SCAI: variants seen among roughly 807,000 people sequenced by gnomAD.
SCAI encodes the protein protein SCAI.
In SCAI, 24 loss-of-function variants were observed where a neutral mutation model predicts 92.2. The observed-to-expected ratio is 0.26, with a 90% CI of 0.19 to 0.37. The LOEUF (loss-of-function observed/expected upper bound fraction) is 0.37, where lower values mean the gene tolerates loss of function less well. SCAI is among the 10% of genes least tolerant of loss of function. SCAI has a pLI of 1.00. For synonymous variants in SCAI, 261 were observed against 258.6 expected, an observed-to-expected ratio of 1.01 and a Z score of -0.09; for missense variants, 450 against 736.2, an observed-to-expected ratio of 0.61 and a Z score of 4.50.
intron 3 of SCAI, among the ~76,000 whole-genome samples, chr9:125,046,704 T>A (rs670423): frequency 0.51 from 74,267 of 144,428 alleles, 19,249 homozygotes; most frequent in East Asian, 0.57. Flanking sequence ...TACTGAAATT[T>A]AAAAAAAAAA....
At chr9:125,101,978 G>A (rs1382773224) in intron 2 of SCAI, among the ~76,000 whole-genome samples, 1 of 152,132 alleles carries the variant, frequency 6.6e-6, no homozygotes, top group Non-Finnish European at 1.5e-5. Flanking sequence ...TATGTTGTAG[G>A]CACATACTGG....
intron 2 of SCAI, among the ~76,000 whole-genome samples, chr9:125,067,098 GGAA>G (rs1833888654): frequency 1.3e-5 from 2 of 152,100 alleles, no homozygotes; most frequent in Non-Finnish European, 2.9e-5. Context: ...TGGGCAGACT[GGAA>G]ATCCATAAAC....
At chr9:125,069,357 G>A (rs1306005800) in intron 2 of SCAI, among the ~76,000 whole-genome samples, 7 of 147,862 alleles carry the variant, frequency 4.7e-5, no homozygotes, top group Admixed American at 2.7e-4. Context: ...TTGCTCTGTC[G>A]CCCAGGCTGG....
intron 3 of SCAI, among the ~76,000 whole-genome samples, chr9:125,031,301 G>A (rs1228623941): frequency 2.0e-5 from 3 of 150,650 alleles, no homozygotes; most frequent in South Asian, 4.2e-4. Flanking sequence ...CGCTCTTGCC[G>A]CCCAGGCTGG....
chr9:125,055,702 TG>T (rs1833647682), intron 3 of SCAI, among the ~76,000 whole-genome samples, 173 bp downstream of exon 3: 2 of 152,208 alleles, frequency 1.3e-5, no homozygotes, highest in African/African-American at 4.8e-5. Context: ...CTTTTCCTAT[TG>T]TTTTTTTATC....
At chr9:125,111,235 A>G (rs1834922884) in intron 2 of SCAI, among the ~76,000 whole-genome samples, 1 of 152,212 alleles carries the variant, frequency 6.6e-6, no homozygotes, top group Non-Finnish European at 1.5e-5. Flanking sequence ...AAATTAATTC[A>G]ACACATTAGA....
rs574217547 is a variant in SCAI, at chr9:125,024,469, G to C, written c.512+2343C>G. 2.0e-5 allele frequency among the ~76,000 whole-genome samples: 3 copies of C among 152,174 alleles called. No individual in the cohort carries two copies. The East Asian group carries it at 5.8e-4, about 30-fold the overall frequency. The stretch of plus-strand genomic sequence containing the variant: ...TTTTTGTATTTTTAGTAGAGACGGG[G>C]TTTCACCATGTTAACCAGGATGGTC... On this transcript the variant is annotated intron_variant, in intron 6 of 17. Coordinates refer to ENST00000336505, the MANE Select transcript of SCAI (RefSeq NM_001144877.3).
At chr9:125,016,500 A>T (rs1414161045) in intron 9 of SCAI, among the ~76,000 whole-genome samples, 1 of 151,988 alleles carries the variant, frequency 6.6e-6, no homozygotes, top group African/African-American at 2.4e-5. Context: ...AAGAGAAAAA[A>T]TTAGAAAAAA....
At chr9:125,041,497 C>T (rs1051754419) in intron 3 of SCAI, among the ~76,000 whole-genome samples, 1 of 152,176 alleles carries the variant, frequency 6.6e-6, no homozygotes, top group East Asian at 1.9e-4. Flanking sequence ...AAGCACTTGC[C>T]TGCAAGTTCC....
intron 7 of SCAI, among the ~76,000 whole-genome samples, chr9:125,019,977 G>T (rs1432769406): frequency 6.6e-6 from 1 of 151,448 alleles, no homozygotes; most frequent in African/African-American, 2.4e-5. Flanking sequence ...AGGAGGCTAA[G>T]GTGGGAGGAC....
At chr9:125,126,589 T>TGTGTGTGTGTGTGTGTGA in intron 2 of SCAI, among the ~76,000 whole-genome samples, 1 of 143,152 alleles carries the variant, frequency 7.0e-6, no homozygotes, top group African/African-American at 2.7e-5. Flanking sequence ...TGTGTGTGTG[T>TGTGTGTGTGTGTGTGTGA]GAGAGAGAGA....
intron 2 of SCAI, among the ~76,000 whole-genome samples, chr9:125,086,506 A>G (rs663153): frequency 0.23 from 35,352 of 152,222 alleles, 4,649 homozygotes; most frequent in Non-Finnish European, 0.3. Context: ...TCACCATTCA[A>G]TCTTCTGAGA....
rs112678470 is a variant in SCAI at position 125,101,634 on chromosome 9, T to C, written c.98+40999A>G. 1.3e-3 allele frequency among the ~76,000 whole-genome samples: 191 copies of C among 152,290 alleles called. 1 individual carries two copies. Among genetic ancestry groups the C allele is most frequent in the African/African-American group, 4.3e-3 (179 of 41,562 alleles). The stretch of plus-strand genomic sequence containing the variant: ...AAATGCAGAACAGGCAGCTGGAATT[T>C]TGAGTCTAGAGTTCAGGGGAATGGT... On this transcript the variant is annotated intron_variant, in intron 2 of 17. Transcript: ENST00000336505.
intron 3 of SCAI, among the ~76,000 whole-genome samples, chr9:125,048,931 G>T (rs987480955): frequency 6.6e-6 from 1 of 151,826 alleles, no homozygotes; most frequent in Admixed American, 6.6e-5. Context: ...TTTTAGTAGA[G>T]ATGGGGTTTC....
At chr9:125,003,896 C>T (rs1832417100) in intron 9 of SCAI, among the ~76,000 whole-genome samples, 1 of 152,078 alleles carries the variant, frequency 6.6e-6, no homozygotes, top group African/African-American at 2.4e-5. Flanking sequence ...ACACAGGGGG[C>T]CATGCATGGT....
At position 124,971,354 on chromosome 9, in the gene SCAI, A is replaced by G; in HGVS notation, c.1674+16T>C. ...TAAAATGATAAAATTCGTCTTTAAT[A>G]ATGTTCTTTGCCTACCCGAAAAATC... is the stretch of plus-strand genomic sequence containing the variant. On this transcript the variant is annotated intron_variant, in intron 17 of 17. Coordinates refer to ENST00000336505, the MANE Select transcript of SCAI (RefSeq NM_001144877.3). The G allele has an allele frequency of 6.7e-7, 1 of 1,497,032 alleles. No homozygotes were observed. The highest frequency in any genetic ancestry group is 9.2e-7 in the Non-Finnish European group (1 of 1,088,298). The allele number at this position is 1,497,032 out of a possible 1,614,324, so 92.7% of individuals were successfully genotyped here.
At chr9:125,047,150 T>C (rs1045999256) in intron 3 of SCAI, among the ~76,000 whole-genome samples, 4 of 152,180 alleles carry the variant, frequency 2.6e-5, no homozygotes, top group Admixed American at 2.6e-4. Context: ...TATCTGGAGA[T>C]AGGGCCTTTA....
At chr9:124,964,501 A>G (rs1831501684) in intron 17 of SCAI, among the ~76,000 whole-genome samples, 1 of 152,078 alleles carries the variant, frequency 6.6e-6, no homozygotes, top group South Asian at 2.1e-4. Flanking sequence ...GGCATTTCCA[A>G]TGGTGGAATC....
chr9:125,093,338 G>A lies in SCAI; in HGVS notation c.99-37331C>T, dbSNP rs530453535. On this transcript the variant is annotated intron_variant, in intron 2 of 17. Coordinates refer to ENST00000336505, the MANE Select transcript of SCAI (RefSeq NM_001144877.3). ...ATCATGCCACTGCACTCCAGCCTGG[G>A]CAACAGAACAAAACTCCATCTCAAA... Among the ~76,000 whole-genome samples, 7 of 152,164 alleles carry A rather than the reference G, an allele frequency of 4.6e-5. No homozygotes were observed. In the South Asian group the frequency reaches 1.5e-3, roughly 32 times the overall value.
Sources: allele counts gnomAD v4.1 joint callset (sites outside exome capture counted in the v4.1 genomes callset), GRCh38; gene constraint gnomAD v4.1.1; transcripts MANE v1.5; gene names NCBI Gene and HGNC (gene_info 2026-07-23, HGNC 2026-07-21).